SKAP1: variants seen among roughly 807,000 people sequenced by gnomAD.
The protein encoded by SKAP1 is src kinase-associated phosphoprotein 1.
Under a neutral mutation model 58.5 loss-of-function variants are expected in SKAP1, and 44 were observed. The ratio of observed to expected loss-of-function variants is 0.75; its 90% CI spans 0.59 to 0.97. SKAP1 has a LOEUF of 0.97. Ranked by LOEUF, SKAP1 falls within the 50% of genes least tolerant of loss-of-function variation. The probability of loss-of-function intolerance (pLI) is 0.00; values close to 1 mark genes in which losing one functional copy is unlikely to be tolerated. For synonymous variants in SKAP1, 127 were observed against 149.7 expected (o/e 0.85, Z 1.11); for missense variants, 390 against 435.2 (o/e 0.90, Z 0.92).
Position 48,184,703 on chromosome 17 carries a change from A to G in SKAP1, c.567+20T>C. ...AACTGCAACACCAAGAAGGATCACC[A>G]TCTCCTTGATGCGTCCTACCTCATA... On this transcript the variant is annotated intron_variant, in intron 7 of 12. Transcript: ENST00000336915. The G allele has an allele frequency of 6.2e-7, 1 of 1,613,848 alleles. No individual in the cohort carries two copies. The highest frequency in any genetic ancestry group is 8.5e-7 in the Non-Finnish European group (1 of 1,179,770).
chr17:48,434,251 G>A (rs191804302), upstream of SKAP1, among the ~76,000 whole-genome samples: 430 of 152,326 alleles, frequency 2.8e-3, 11 homozygotes, highest in Admixed American at 0.024. Context: ...TGTGGAAGGA[G>A]AGATGATGCA....
chr17:48,325,782 A>G (rs1341619244), intron 4 of SKAP1, among the ~76,000 whole-genome samples: 1 of 152,242 alleles, frequency 6.6e-6, no homozygotes, highest in Non-Finnish European at 1.5e-5. Context: ...GTCCGGGATT[A>G]CCAAAGTACA....
chr17:48,173,500 C>G, intron 9 of SKAP1, among the ~76,000 whole-genome samples: 1 of 152,140 alleles, frequency 6.6e-6, no homozygotes, highest in Non-Finnish European at 1.5e-5. Context: ...TGATGCATTT[C>G]TTTTTTGACA....
chr17:48,320,846 C>G (rs550060758), intron 4 of SKAP1, among the ~76,000 whole-genome samples: 2 of 152,150 alleles, frequency 1.3e-5, no homozygotes, highest in Non-Finnish European at 2.9e-5. Flanking sequence ...CTAGATACTT[C>G]AAAACTCTCA....
intron 4 of SKAP1, among the ~76,000 whole-genome samples, chr17:48,270,714 C>G (rs1012814600): frequency 1.6e-4 from 24 of 151,968 alleles, no homozygotes; most frequent in African/African-American, 5.6e-4. Context: ...TTGTAGCATG[C>G]TTTTTCACCT....
intron 11 of SKAP1, among the ~76,000 whole-genome samples, chr17:48,153,289 T>C (rs913648926): frequency 2.0e-5 from 3 of 152,184 alleles, no homozygotes; most frequent in Non-Finnish European, 4.4e-5. Context: ...ACCCTCTCCC[T>C]TTTGTCCTCT....
Position 48,326,852 on chromosome 17 carries a change from T to A in SKAP1, c.280+19053A>T, listed in dbSNP as rs558366081. 4.3e-4 allele frequency among the ~76,000 whole-genome samples: 65 copies of A among 152,130 alleles called. 2 individuals are homozygous for A. The South Asian group carries it at 9.1e-3, about 21-fold the overall frequency. On this transcript the variant is annotated intron_variant, in intron 4 of 12. Transcript: ENST00000336915. ...TCTTCCTAAAGAGCCATTTTAAGTG[T>A]CGACCACAAGGTGTGTGACAAGAAA...
intron 1 of SKAP1, among the ~76,000 whole-genome samples, chr17:48,401,479 T>TA (rs1448066234): frequency 6.6e-6 from 1 of 152,110 alleles, no homozygotes; most frequent in East Asian, 1.9e-4. Context: ...CCCTCACACT[T>TA]ATGGTCAATT....
chr17:48,278,930 A>G (rs1328094750), intron 4 of SKAP1, among the ~76,000 whole-genome samples: 1 of 152,200 alleles, frequency 6.6e-6, no homozygotes, highest in African/African-American at 2.4e-5. Flanking sequence ...GAGGGAGCTT[A>G]CATAACTTAC....
chr17:48,158,530 T>G (rs1219847205), intron 11 of SKAP1, among the ~76,000 whole-genome samples: 3 of 114,738 alleles, frequency 2.6e-5, no homozygotes, highest in African/African-American at 6.8e-5. Context: ...ATTGTGCCAC[T>G]GCACTCCAGC....
At chr17:48,268,868 C>T (rs1182269833) in intron 4 of SKAP1, among the ~76,000 whole-genome samples, 1 of 151,922 alleles carries the variant, frequency 6.6e-6, no homozygotes. Context: ...TAAAACAATT[C>T]TGAAATTTAC....
intron 4 of SKAP1, among the ~76,000 whole-genome samples, chr17:48,314,826 T>C (rs1416799508): frequency 6.6e-6 from 1 of 152,192 alleles, no homozygotes; most frequent in East Asian, 1.9e-4. Context: ...ACCTGAGGTG[T>C]AACCACGAAA....
chr17:48,397,766 A>G (rs2067439972), intron 1 of SKAP1, among the ~76,000 whole-genome samples: 1 of 152,242 alleles, frequency 6.6e-6, no homozygotes, highest in Non-Finnish European at 1.5e-5. Context: ...TGTCTCCAAG[A>G]GAAGGGAACT....
At chr17:48,395,535 G>A (rs1167680089) in intron 2 of SKAP1, among the ~76,000 whole-genome samples, 2 of 151,952 alleles carry the variant, frequency 1.3e-5, no homozygotes, top group Non-Finnish European at 2.9e-5. Flanking sequence ...AAGTCTCCAG[G>A]TATGTAACTA....
At chr17:48,337,641 G>A (rs1275421352) in intron 4 of SKAP1, among the ~76,000 whole-genome samples, 8 of 152,166 alleles carry the variant, frequency 5.3e-5, no homozygotes, top group African/African-American at 2.4e-5. Flanking sequence ...CTTAATGCAC[G>A]TTATTCATAA....
intron 4 of SKAP1, among the ~76,000 whole-genome samples, chr17:48,338,306 C>A (rs749026382): frequency 2.0e-4 from 31 of 151,886 alleles, no homozygotes; most frequent in African/African-American, 6.8e-4. Context: ...CCCGCCACCA[C>A]GCCAAGCTAA....
intron 4 of SKAP1, among the ~76,000 whole-genome samples, chr17:48,270,592 C>T (rs940230480): frequency 6.6e-6 from 1 of 152,070 alleles, no homozygotes; most frequent in Non-Finnish European, 1.5e-5. Flanking sequence ...CTGCCGGCCT[C>T]GACCTCCCAA....
intron 4 of SKAP1, among the ~76,000 whole-genome samples, chr17:48,219,290 C>T (rs2064975006): frequency 6.6e-6 from 1 of 152,194 alleles, no homozygotes; most frequent in African/African-American, 2.4e-5. Flanking sequence ...GTACTATTCA[C>T]TTCTCATTGG....
At chr17:48,249,608 AGGCTGC>A (rs2065338737) in intron 4 of SKAP1, among the ~76,000 whole-genome samples, 1 of 152,002 alleles carries the variant, frequency 6.6e-6, no homozygotes, top group Non-Finnish European at 1.5e-5. Context: ...CCGGAAGTCG[AGGCTGC>A]TGTGAACCAT....
Sources: gnomAD v4.1 joint callset for allele counts (sites outside exome capture counted in the v4.1 genomes callset) on GRCh38, gnomAD v4.1.1 for gene constraint, MANE v1.5 for transcripts, NCBI Gene and HGNC (gene_info 2026-07-23, HGNC 2026-07-21) for gene names.